Variants in LAMA2 observed in about 807,000 individuals in gnomAD.
LAMA2 encodes laminin subunit alpha-2.
In LAMA2, 269 loss-of-function variants were observed where a neutral mutation model predicts 364.8. The ratio of observed to expected loss-of-function variants is 0.74; its 90% CI spans 0.67 to 0.82. The LOEUF (loss-of-function observed/expected upper bound fraction) is 0.82, where lower values mean the gene tolerates loss of function less well. LAMA2 is among the 40% of genes least tolerant of loss of function. The pLI, the probability that LAMA2 is intolerant of heterozygous loss-of-function variation, is 0.00. For missense variants in LAMA2, 3,807 were observed against 3,873.2 expected (o/e 0.98, Z 0.45); for synonymous variants, 1,379 against 1,370.6 (o/e 1.01, Z -0.14).
At chr6:129,332,622 A>C (rs1409737110) in intron 29 of LAMA2, among the ~76,000 whole-genome samples, 1 of 152,120 alleles carries the variant, frequency 6.6e-6, no homozygotes, top group Non-Finnish European at 1.5e-5. Context: ...CAGATATTTT[A>C]TGTCTTACAG....
chr6:129,157,425 A>G, intron 8 of LAMA2: 1 of 1,425,178 alleles, frequency 7.0e-7, no homozygotes, highest in Non-Finnish European at 9.9e-7. Context: ...AAAGAGTCTG[A>G]GAACCAAGTT....
At chr6:129,312,055 A>G (rs1028524486) in intron 22 of LAMA2, among the ~76,000 whole-genome samples, 1 of 145,850 alleles carries the variant, frequency 6.9e-6, no homozygotes, top group Non-Finnish European at 1.5e-5. Flanking sequence ...ATTAGAACAG[A>G]TGTAAAAATC....
rs1469979855 is a variant in LAMA2 at position 129,464,347 on chromosome 6, G to C, written c.7050G>C (p.Leu2350Phe). Residue 2350 changes from leucine (L) to phenylalanine (F), a missense_variant, in exon 50 of 65, where the codon TTG (leucine) becomes TTC (phenylalanine). Physicochemically the swap from Leu to Phe is conservative, Grantham distance 22 (BLOSUM62 0). This residue lies in a region of LAMA2 where 3,333 missense variants were observed against 3,345.7 expected (regional missense o/e 1.00). Coordinates refer to ENST00000421865, the MANE Select transcript of LAMA2 (RefSeq NM_000426.4). ...TIQFDGEGYA[L>F]VSRPIRWYPN... ...AATTTGATGGAGAAGGTTATGCATT[G>C]GTCAGCCGTCCCATTCGCTGGTACC... The C allele has an allele frequency of 6.2e-7, 1 of 1,611,820 alleles. No individual in the cohort carries two copies. Among genetic ancestry groups the C allele is most frequent in the Admixed American group, 1.7e-5 (1 of 59,850 alleles).
At chr6:129,383,893 G>T (rs1778837165) in intron 35 of LAMA2, among the ~76,000 whole-genome samples, 1 of 152,138 alleles carries the variant, frequency 6.6e-6, no homozygotes, top group Non-Finnish European at 1.5e-5. Context: ...TAATAAACGT[G>T]CATGCATGTT....
At chr6:129,261,096 A>G (rs1787095416) in intron 15 of LAMA2, among the ~76,000 whole-genome samples, 1 of 152,080 alleles carries the variant, frequency 6.6e-6, no homozygotes, top group Admixed American at 6.6e-5. Flanking sequence ...GATCTATTGT[A>G]TGCTGGATGG....
At chr6:129,197,101 C>A (rs976781857) in intron 12 of LAMA2, among the ~76,000 whole-genome samples, 1 of 152,178 alleles carries the variant, frequency 6.6e-6, no homozygotes, top group Non-Finnish European at 1.5e-5. Flanking sequence ...TCTAACCTCA[C>A]TCTGGTATAG....
At chr6:129,486,997 G>A (rs1330800360) in intron 56 of LAMA2, among the ~76,000 whole-genome samples, 1 of 152,218 alleles carries the variant, frequency 6.6e-6, no homozygotes, top group Non-Finnish European at 1.5e-5. Context: ...AGGCTTTGGC[G>A]GTTTCTATCT....
chr6:129,029,268 C>T (rs1162423503), intron 1 of LAMA2, among the ~76,000 whole-genome samples: 1 of 151,842 alleles, frequency 6.6e-6, no homozygotes, highest in East Asian at 1.9e-4. Flanking sequence ...GCTCATTATA[C>T]ATCAGCAATG....
intron 1 of LAMA2, among the ~76,000 whole-genome samples, chr6:128,985,137 G>C (rs796342607): frequency 1.3e-5 from 2 of 152,062 alleles, no homozygotes; most frequent in African/African-American, 4.8e-5. Flanking sequence ...GATGTGCATG[G>C]TCCTGAATGT....
chr6:129,333,535 G>A (rs992310441), intron 29 of LAMA2, among the ~76,000 whole-genome samples: 5 of 152,066 alleles, frequency 3.3e-5, no homozygotes, highest in African/African-American at 1.2e-4. Context: ...TCATATATAG[G>A]TTTTTCACCT....
intron 30 of LAMA2, among the ~76,000 whole-genome samples, chr6:129,348,444 G>A (rs1403854778): frequency 6.6e-6 from 1 of 152,050 alleles, no homozygotes; most frequent in Admixed American, 6.6e-5. Context: ...TAATTTCCAA[G>A]TTTCCAATGC....
intron 3 of LAMA2, among the ~76,000 whole-genome samples, chr6:129,081,533 A>G (rs6904911): frequency 0.2 from 31,061 of 152,154 alleles, 4,637 homozygotes; most frequent in African/African-American, 0.42. Context: ...ATCATTCAGA[A>G]ATTGTAGGTC....
intron 3 of LAMA2, among the ~76,000 whole-genome samples, chr6:129,066,693 A>G (rs1789383053): frequency 6.6e-6 from 1 of 152,238 alleles, no homozygotes; most frequent in African/African-American, 2.4e-5. Flanking sequence ...AAGCTGTAGT[A>G]ATCAAAACAG....
At chr6:129,052,664 G>T (rs555185285) in intron 2 of LAMA2, among the ~76,000 whole-genome samples, 1 of 152,044 alleles carries the variant, frequency 6.6e-6, no homozygotes, top group South Asian at 2.1e-4. Context: ...CTGCATTAGG[G>T]TTTACTTTTG....
intron 4 of LAMA2, among the ~76,000 whole-genome samples, chr6:129,117,910 C>T (rs1431626040): frequency 6.6e-6 from 1 of 152,176 alleles, no homozygotes; most frequent in Non-Finnish European, 1.5e-5. Context: ...TCTGCGTGCT[C>T]AGCCACAATC....
chr6:128,972,466 A>G (rs1782243122), intron 1 of LAMA2, among the ~76,000 whole-genome samples: 1 of 152,220 alleles, frequency 6.6e-6, no homozygotes. Flanking sequence ...TGAAGAAGCA[A>G]TGAACACAGG....
intron 12 of LAMA2, among the ~76,000 whole-genome samples, chr6:129,228,886 G>A (rs1784498619): frequency 6.6e-6 from 1 of 152,162 alleles, no homozygotes; most frequent in African/African-American, 2.4e-5. Flanking sequence ...GACACTGAAA[G>A]GAATAACTAT....
intron 3 of LAMA2, among the ~76,000 whole-genome samples, chr6:129,070,885 G>T (rs961321318): frequency 1.3e-5 from 2 of 152,114 alleles, no homozygotes; most frequent in Non-Finnish European, 2.9e-5. Context: ...ACAAATAAAA[G>T]TCTGAGAGAA....
intron 53 of LAMA2, 96 bp from the exon 54 acceptor site, chr6:129,478,597 T>C (rs1187931588): frequency 3.1e-6 from 4 of 1,277,656 alleles, no homozygotes; most frequent in African/African-American, 1.5e-5. Context: ...TGTGCCTGCA[T>C]GTGTCTGCTC....
Sources: allele counts gnomAD v4.1 joint callset (sites outside exome capture counted in the v4.1 genomes callset), GRCh38; gene constraint gnomAD v4.1.1; regional missense constraint gnomAD v4.1.1; transcripts MANE v1.5; gene names NCBI Gene and HGNC (gene_info 2026-07-23, HGNC 2026-07-21).